The following GABRG3 variants were observed in gnomAD, a reference collection of about 807,000 sequenced individuals.
The protein encoded by GABRG3 is gamma-aminobutyric acid receptor subunit gamma-3.
GABRG3 carries 25 observed loss-of-function variants against 48.8 expected under a neutral mutation model. The observed-to-expected ratio is 0.51, with a 90% CI of 0.37 to 0.72. The LOEUF (loss-of-function observed/expected upper bound fraction) is 0.72, where lower values mean the gene tolerates loss of function less well. GABRG3 is among the 30% of genes least tolerant of loss of function. The probability of loss-of-function intolerance (pLI) is 0.00; values close to 1 mark genes in which losing one functional copy is unlikely to be tolerated. For synonymous variants in GABRG3, 227 were observed against 217.6 expected, an observed-to-expected ratio of 1.04 and a Z score of -0.38; for missense variants, 394 against 577.9, an observed-to-expected ratio of 0.68 and a Z score of 3.26.
chr15:27,168,922 A>G (rs1246230335), intron 3 of GABRG3, among the ~76,000 whole-genome samples: 4 of 152,244 alleles, frequency 2.6e-5, no homozygotes, highest in African/African-American at 4.8e-5. Context: ...AATTAAGCCC[A>G]GGCCTGAGGA....
At chr15:27,047,816 G>A (rs949449770) in intron 3 of GABRG3, among the ~76,000 whole-genome samples, 6 of 152,116 alleles carry the variant, frequency 3.9e-5, no homozygotes, top group Non-Finnish European at 8.8e-5. Context: ...GAATCAGGAT[G>A]GATTACCTTA....
In GABRG3 at chr15:27,408,346, A is replaced by C. The variant is rs535531877; in HGVS notation, c.575-72304A>C. ...GAATATTAGTGATACATATAAATGA[A>C]AATATAGTTGAGAACACTGTTTCCA... On this transcript the variant is annotated intron_variant, in intron 5 of 9. Transcript: ENST00000615808. 5.3e-5 allele frequency among the ~76,000 whole-genome samples: 8 copies of C among 152,300 alleles called. No homozygotes were observed. The East Asian group carries it at 7.7e-4, about 15-fold the overall frequency.
At chr15:27,387,687 G>A (rs1479957169) in intron 5 of GABRG3, among the ~76,000 whole-genome samples, 2 of 151,202 alleles carry the variant, frequency 1.3e-5, no homozygotes, top group Non-Finnish European at 2.9e-5. Context: ...TGTGCAGTGG[G>A]GATCACAGGC....
intron 2 of GABRG3, among the ~76,000 whole-genome samples, chr15:27,005,937 T>C (rs1367596299): frequency 6.6e-6 from 1 of 152,206 alleles, no homozygotes; most frequent in East Asian, 1.9e-4. Context: ...TTGATATATA[T>C]GTTCACCAGC....
chr15:27,082,869 C>G (rs1352842670), intron 3 of GABRG3, among the ~76,000 whole-genome samples: 1 of 152,178 alleles, frequency 6.6e-6, no homozygotes, highest in Non-Finnish European at 1.5e-5. Context: ...GACCTGCTCC[C>G]GCTTCTCTGT....
intron 3 of GABRG3, among the ~76,000 whole-genome samples, chr15:27,271,012 ATTCAAGGTCC>A (rs1233730010): frequency 5.9e-5 from 9 of 152,302 alleles, no homozygotes; most frequent in African/African-American, 2.2e-4. Flanking sequence ...CAACGGATGA[ATTCAAGGTCC>A]TGGGTGGTGA....
intron 5 of GABRG3, among the ~76,000 whole-genome samples, chr15:27,403,977 T>G (rs2140590832): frequency 6.8e-6 from 1 of 147,366 alleles, no homozygotes; most frequent in South Asian, 2.1e-4. Flanking sequence ...GTCCCAGCAC[T>G]TTGGGAGGCC....
chr15:27,387,622 G>C (rs551965448), intron 5 of GABRG3, among the ~76,000 whole-genome samples: 4 of 151,610 alleles, frequency 2.6e-5, no homozygotes, highest in African/African-American at 9.7e-5. Context: ...CTCCTTTTTA[G>C]GTGGCAGCAA....
rs1325494764 is a variant in GABRG3 at position 27,305,483 on chromosome 15, GTGTT to G, written c.271-21324_271-21321del. 2.5e-3 allele frequency among the ~76,000 whole-genome samples: 362 copies of G among 147,462 alleles called. 1 individual carries two copies. Among genetic ancestry groups the G allele is most frequent in the Non-Finnish European group, 3.6e-3 (243 of 66,802 alleles). ...TATGGATTGTGTGTGTGTGGTCTGT[GTGTT>G]TTTTATATATATATAAACATATATA... On this transcript the variant is annotated intron_variant, in intron 3 of 9. Transcript: ENST00000615808.
At chr15:27,219,037 A>G (rs569553227) in intron 3 of GABRG3, among the ~76,000 whole-genome samples, 39 of 152,184 alleles carry the variant, frequency 2.6e-4, no homozygotes, top group Middle Eastern at 3.4e-3. Flanking sequence ...CAATCTCCCA[A>G]TGGAACCACG....
At chr15:27,073,275 G>A (rs1896857298) in intron 3 of GABRG3, among the ~76,000 whole-genome samples, 1 of 152,252 alleles carries the variant, frequency 6.6e-6, no homozygotes, top group Admixed American at 6.5e-5. Context: ...GCCTGGAAGA[G>A]GAGGGGACCC....
chr15:27,171,562 G>GTATATA (rs961177099), intron 3 of GABRG3, among the ~76,000 whole-genome samples: 8 of 136,492 alleles, frequency 5.9e-5, no homozygotes, highest in Non-Finnish European at 9.6e-5. Flanking sequence ...ATATGTATAT[G>GTATATA]TATATATATA....
chr15:27,347,039 G>A (rs952509275), intron 5 of GABRG3, among the ~76,000 whole-genome samples: 10 of 151,108 alleles, frequency 6.6e-5, no homozygotes, highest in Non-Finnish European at 1.3e-4. Context: ...TAGACACACC[G>A]TGAGGTAAAT....
At position 27,519,953 on chromosome 15, in the gene GABRG3, T is replaced by C; in HGVS notation, c.713-19T>C. ...TGACCCATCAAAGTTGTCTTAATTT[T>C]GACAATATTTTATTACAGGTGATTA... On this transcript the variant is annotated intron_variant, in intron 6 of 9. Transcript: ENST00000615808. The C allele has an allele frequency of 6.8e-7, 1 of 1,471,578 alleles. No individual in the cohort carries two copies. The highest frequency in any genetic ancestry group is 9.1e-7 in the Non-Finnish European group (1 of 1,103,944). 91.2% of individuals were successfully genotyped at this position (1,471,578 alleles called of 1,614,324 possible).
chr15:27,155,560 C>T (rs972707829), intron 3 of GABRG3, among the ~76,000 whole-genome samples: 5 of 152,128 alleles, frequency 3.3e-5, no homozygotes, highest in South Asian at 2.1e-4. Flanking sequence ...TCTGTTTTGG[C>T]GTTCTGCAAC....
intron 3 of GABRG3, among the ~76,000 whole-genome samples, chr15:27,308,322 A>T (rs1892800933): frequency 1.4e-5 from 2 of 143,034 alleles, no homozygotes; most frequent in African/African-American, 5.1e-5. Context: ...ATATAAACAT[A>T]CGTTTATATA....
chr15:27,233,368 C>T (rs1889857932), intron 3 of GABRG3, among the ~76,000 whole-genome samples: 1 of 152,118 alleles, frequency 6.6e-6, no homozygotes, highest in South Asian at 2.1e-4. Context: ...TACCTTGTCC[C>T]TGGAGTGGAA....
At chr15:27,485,503 G>C (rs1301604290) in intron 6 of GABRG3, among the ~76,000 whole-genome samples, 1 of 152,112 alleles carries the variant, frequency 6.6e-6, no homozygotes, top group Admixed American at 6.6e-5. Context: ...TAGAGCCCCT[G>C]GAGTTATCTG....
chr15:27,414,248 G>T (rs2140602831), intron 5 of GABRG3, among the ~76,000 whole-genome samples: 1 of 152,288 alleles, frequency 6.6e-6, no homozygotes, highest in Non-Finnish European at 1.5e-5. Flanking sequence ...GTTCATGAAT[G>T]TCCCAAAGCC....
Sources: gnomAD v4.1 joint callset for allele counts (sites outside exome capture counted in the v4.1 genomes callset) on GRCh38, gnomAD v4.1.1 for gene constraint, MANE v1.5 for transcripts, NCBI Gene and HGNC (gene_info 2026-07-23, HGNC 2026-07-21) for gene names.